The following TSC22D2 variants were observed in gnomAD, a reference collection of about 807,000 sequenced individuals.
The protein encoded by TSC22D2 is TSC22 domain family protein 2.
A neutral mutation model predicts 50.1 loss-of-function variants in TSC22D2; 5 were observed. The observed-to-expected ratio is 0.10, with a 90% CI of 0.05 to 0.21. TSC22D2 has a LOEUF of 0.21. Ranked by LOEUF, TSC22D2 falls within the 10% of genes least tolerant of loss-of-function variation. The pLI is 1.00. For synonymous variants in TSC22D2, 501 were observed against 450.1 expected (o/e 1.11, Z -1.43); for missense variants, 1,003 against 1,015.5 (o/e 0.99, Z 0.17).
intron 1 of TSC22D2, among the ~76,000 whole-genome samples, chr3:150,426,238 T>C (rs753423305): frequency 1.3e-5 from 2 of 152,108 alleles, no homozygotes; most frequent in Non-Finnish European, 2.9e-5. Flanking sequence ...GTTAGCTTTC[T>C]GGGAGATTAT....
chr3:150,440,706 G>C (rs1720687721), intron 1 of TSC22D2, among the ~76,000 whole-genome samples: 1 of 151,984 alleles, frequency 6.6e-6, no homozygotes, highest in Admixed American at 6.6e-5. Flanking sequence ...CACTTTTAAA[G>C]CATTTATCAG....
At chr3:150,438,033 T>C (rs1720600963) in intron 1 of TSC22D2, among the ~76,000 whole-genome samples, 2 of 152,126 alleles carry the variant, frequency 1.3e-5, no homozygotes, top group African/African-American at 4.8e-5. Flanking sequence ...AAAATCCATG[T>C]TGAAATTTGA....
intron 1 of TSC22D2, among the ~76,000 whole-genome samples, chr3:150,412,383 A>T (rs2108058706): frequency 6.6e-6 from 1 of 152,342 alleles, no homozygotes; most frequent in African/African-American, 2.4e-5. Flanking sequence ...GATACAAACT[A>T]ATATTATGGA....
intron 1 of TSC22D2, among the ~76,000 whole-genome samples, chr3:150,449,499 T>C (rs1168208284): frequency 1.3e-5 from 2 of 152,300 alleles, no homozygotes; most frequent in African/African-American, 4.8e-5. Flanking sequence ...TAATGTATTG[T>C]GCACACATCT....
chr3:150,435,256 C>T (rs1451952813), intron 1 of TSC22D2, among the ~76,000 whole-genome samples: 1 of 152,164 alleles, frequency 6.6e-6, no homozygotes, highest in Non-Finnish European at 1.5e-5. Context: ...GCTGTGATTA[C>T]AGGCGTGAGC....
chr3:150,431,224 CAAAAAAAAAAAAAAA>C (rs71138443), intron 1 of TSC22D2, among the ~76,000 whole-genome samples: 1 of 27,962 alleles, frequency 3.6e-5, no homozygotes, highest in African/African-American at 1.6e-4. Context: ...GGCTCTGTCT[CAAAAAAAAAAAAAAA>C]AAAAAAAAAA....
chr3:150,431,179 C>T (rs62269061), intron 1 of TSC22D2, among the ~76,000 whole-genome samples: 2 of 136,708 alleles, frequency 1.5e-5, no homozygotes, highest in African/African-American at 2.8e-5. Context: ...GAGCCGAGAT[C>T]GCGCCACTGC....
chr3:150,437,450 G>A (rs1720580724), intron 1 of TSC22D2, among the ~76,000 whole-genome samples: 1 of 152,070 alleles, frequency 6.6e-6, no homozygotes, highest in South Asian at 2.1e-4. Flanking sequence ...ATGGAATTCT[G>A]TCTTAAGCAC....
Position 150,459,451 on chromosome 3 carries a change from C to T in TSC22D2, c.*815C>T, listed in dbSNP as rs1230869412. 1 of 152,282 alleles carries T rather than the reference C, an allele frequency of 6.6e-6. No individual in the cohort carries two copies. Among genetic ancestry groups the T allele is most frequent in the Non-Finnish European group, 1.5e-5 (1 of 67,978 alleles). 9.4% of individuals were successfully genotyped at this position (152,282 alleles called of 1,614,324 possible). A position where few individuals can be genotyped will look rare whatever the true frequency, so the allele number is the denominator to read the frequency against. On this transcript the variant is annotated 3_prime_UTR_variant, in exon 3 of 3. Coordinates refer to ENST00000688009, the MANE Select transcript of TSC22D2 (RefSeq NM_001303264.2). ...TCTAAGAGAAATTGCCACGATTCCT[C>T]TGCTTTTCAACATTTCGTATGACTT...
intron 1 of TSC22D2, among the ~76,000 whole-genome samples, chr3:150,448,171 T>C (rs574722449): frequency 6.6e-6 from 1 of 151,490 alleles, no homozygotes; most frequent in South Asian, 2.1e-4. Context: ...TAAGAAATAA[T>C]GATTTCATCT....
chr3:150,416,979 C>T (rs1719828798), intron 1 of TSC22D2, among the ~76,000 whole-genome samples: 1 of 152,042 alleles, frequency 6.6e-6, no homozygotes, highest in South Asian at 2.1e-4. Context: ...GTGCTTCCAT[C>T]CTTTTAAGTA....
At chr3:150,428,609 A>C (rs1576547481) in intron 1 of TSC22D2, among the ~76,000 whole-genome samples, 1 of 148,064 alleles carries the variant, frequency 6.8e-6, no homozygotes, top group Middle Eastern at 3.5e-3. Flanking sequence ...AAAAAAAAAA[A>C]CATACTTAGA....
chr3:150,445,455 CAATT>C (rs966554803), intron 1 of TSC22D2, among the ~76,000 whole-genome samples: 13 of 147,298 alleles, frequency 8.8e-5, no homozygotes, highest in Non-Finnish European at 1.6e-4. Flanking sequence ...TACAAAAAAT[CAATT>C]AAGGAATAAC....
At chr3:150,439,789 T>G (rs1381080258) in intron 1 of TSC22D2, among the ~76,000 whole-genome samples, 1 of 152,212 alleles carries the variant, frequency 6.6e-6, no homozygotes, top group Admixed American at 6.5e-5. Context: ...GTATGAGTCG[T>G]GAAAGAAATT....
chr3:150,421,739 C>T (rs1024107161), intron 1 of TSC22D2, among the ~76,000 whole-genome samples: 5 of 151,778 alleles, frequency 3.3e-5, no homozygotes, highest in African/African-American at 1.2e-4. Context: ...TAATAGGACC[C>T]CAGAATTGCC....
At chr3:150,453,116 A>AT (rs962319814) in intron 1 of TSC22D2, among the ~76,000 whole-genome samples, 6 of 152,166 alleles carry the variant, frequency 3.9e-5, no homozygotes, top group Admixed American at 3.9e-4. Context: ...TACTACCACC[A>AT]TTGTAGGGTA....
intron 1 of TSC22D2, among the ~76,000 whole-genome samples, chr3:150,454,761 A>G (rs1053377518): frequency 4.6e-5 from 7 of 152,212 alleles, no homozygotes; most frequent in Admixed American, 1.3e-4. Flanking sequence ...ATTAGAGTAC[A>G]ACACCTAACA....
At position 150,410,717 on chromosome 3, in the gene TSC22D2, G is replaced by A. The variant is rs1719515497; in HGVS notation, c.1367G>A (p.Gly456Glu). 1.3e-6 allele frequency: 2 copies of A among 1,588,016 alleles called. No homozygotes were observed. Among genetic ancestry groups the A allele is most frequent in the Non-Finnish European group, 1.7e-6 (2 of 1,168,142 alleles). ...CAGGTCGCGCCTTGTCAGCCGACTGGAGTGCCCCCGGCTACTGTGGGAGGC... is the reference window on the plus strand; with the variant it reads ...CAGGTCGCGCCTTGTCAGCCGACTGAAGTGCCCCCGGCTACTGTGGGAGGC... ...GGQVAPCQPT[G>E]VPPATVGGVV... Residue 456 changes from glycine to glutamate, a missense_variant, in exon 1 of 3, where the codon GGA becomes GAA. By Grantham distance (98) the Gly-to-Glu change is moderately conservative (BLOSUM62 -2). This residue lies in a region of TSC22D2 where 696 missense variants were observed against 647.8 expected (regional missense o/e 1.07). Coordinates refer to ENST00000688009, the MANE Select transcript of TSC22D2 (RefSeq NM_001303264.2).
Position 150,410,867 on chromosome 3 carries a change from TTCCAAACGTGCCTGCAGCCGTGCCCGC to T in TSC22D2, c.1523_1549del (p.Asn508_Pro516del), listed in dbSNP as rs1560077956. On this transcript the variant is annotated inframe_deletion, in exon 1 of 3. Transcript: ENST00000688009. Reference sequence around the variant, plus strand: ...GGCCCTCACGCCGTGGTGCCCGGAGTTCCAAACGTGCCTGCAGCCGTGCCCGCTCCAAGCGTGCCTAGTGTGTCTACC... The same window carrying T: ...GGCCCTCACGCCGTGGTGCCCGGAGTTCCAAGCGTGCCTAGTGTGTCTACC... 2 of 1,613,484 alleles carry T rather than the reference TTCCAAACGTGCCTGCAGCCGTGCCCGC, an allele frequency of 1.2e-6. No homozygotes were observed. Among genetic ancestry groups the T allele is most frequent in the Non-Finnish European group, 1.7e-6 (2 of 1,179,936 alleles).
Sources: gnomAD v4.1 joint callset for allele counts (sites outside exome capture counted in the v4.1 genomes callset) on GRCh38, gnomAD v4.1.1 for gene constraint, gnomAD v4.1.1 regional missense constraint, MANE v1.5 for transcripts, NCBI Gene and HGNC (gene_info 2026-07-23, HGNC 2026-07-21) for gene names.